GSTZ1: variants seen among roughly 807,000 people sequenced by gnomAD.
GSTZ1 encodes glutathione S-transferase zeta 1, also known as maleylacetoacetate isomerase.
Under a neutral mutation model 35.9 loss-of-function variants are expected in GSTZ1, and 34 were observed. That is an observed-to-expected ratio of 0.95 (90% CI 0.72 to 1.26). The LOEUF (loss-of-function observed/expected upper bound fraction) is 1.26. Ranked by LOEUF, GSTZ1 falls within the 50% of genes most tolerant of loss-of-function variation. GSTZ1 has a pLI of 0.00. For missense variants in GSTZ1, 263 were observed against 271.7 expected (o/e 0.97, Z 0.23); for synonymous variants, 93 against 101.2 (o/e 0.92, Z 0.49).
At chr14:77,323,528 T>C (rs892176447) in intron 1 of GSTZ1, 3 of 152,090 alleles carry the variant, frequency 2.0e-5, no homozygotes, top group Admixed American at 6.6e-5. Flanking sequence ...TGTTTAGCCA[T>C]GTTGTTTCGC....
rs202037445 is a variant in GSTZ1 at position 77,329,802 on chromosome 14, G to A, written c.469G>A (p.Asp157Asn). Reference protein sequence around the residue: ...QSTAGIYCVGDEVTMADLCLV... With the variant: ...QSTAGIYCVGNEVTMADLCLV... ...CACAGCGGGCATATACTGTGTAGGA[G>A]ACGAGGTAAGCTGTCCCCAGACCTC... Residue 157 changes from aspartate (D) to asparagine (N), a missense_variant, in exon 7 of 9, where the codon GAC becomes AAC. Asp to Asn is a conservative substitution (Grantham distance 23, BLOSUM62 1). Coordinates refer to ENST00000216465, the MANE Select transcript of GSTZ1 (RefSeq NM_145870.3). 1 of 1,613,190 alleles carries A rather than the reference G, an allele frequency of 6.2e-7. No individual in the cohort carries two copies. Among genetic ancestry groups the A allele is most frequent in the East Asian group, 2.2e-5 (1 of 44,878 alleles).
intron 5 of GSTZ1, 148 bp downstream of exon 5, chr14:77,328,185 G>A (rs1406376155): frequency 9.0e-6 from 7 of 776,180 alleles, no homozygotes; most frequent in Non-Finnish European, 1.4e-5. Flanking sequence ...TGAAAGAAGG[G>A]GGTGAAGATC....
chr14:77,327,793 A>AG, intron 4 of GSTZ1, 119 bp from the exon 5 acceptor site: 12 of 984,158 alleles, frequency 1.2e-5, no homozygotes, highest in South Asian at 8.8e-5. Flanking sequence ...GAGCAGAAGC[A>AG]GGGGGGAAGA....
At chr14:77,324,294 T>A in intron 1 of GSTZ1, 1 of 393,050 alleles carries the variant, frequency 2.5e-6, no homozygotes, top group Non-Finnish European at 4.9e-6. Context: ...AGGCACCCAC[T>A]ACCACACCTG....
At chr14:77,327,592 TG>T in intron 4 of GSTZ1, 40 bp downstream of exon 4, 1 of 1,310,272 alleles carries the variant, frequency 7.6e-7, no homozygotes, top group Non-Finnish European at 1.1e-6. Context: ...ATGAGAGCAG[TG>T]CCCTGAATGA....
chr14:77,328,992 G>GAGCCTGGGGGAGAAGGGATAGACATCC, intron 5 of GSTZ1, 131 bp from the exon 6 acceptor site: 1 of 734,058 alleles, frequency 1.4e-6, no homozygotes, highest in African/African-American at 1.7e-5. Flanking sequence ...GGGGCTCATG[G>GAGCCTGGGGGAGAAGGGATAGACATCC]AGCCTGGGGG....
Position 77,327,691 on chromosome 14 carries a change from C to T in GSTZ1, c.216+139C>T, listed in dbSNP as rs954798227. On this transcript the variant is annotated intron_variant, in intron 4 of 8. Transcript: ENST00000216465. The stretch of plus-strand genomic sequence containing the variant: ...CAATACAAGACTCGTGGGGAGGGTG[C>T]GAGGTTATTTAGGAAAATAAGGGAA... The T allele has an allele frequency of 1.6e-5, 12 of 745,654 alleles. 1 individual carries two copies. The highest frequency in any genetic ancestry group is 2.3e-4 in the Middle Eastern group (1 of 4,356). The allele number at this position is 745,654 out of a possible 1,614,324, so 46.2% of individuals were successfully genotyped here.
chr14:77,328,214 C>T (rs1034677521), intron 5 of GSTZ1, 177 bp downstream of exon 5: 17 of 664,446 alleles, frequency 2.6e-5, no homozygotes, highest in Non-Finnish European at 4.3e-5. Context: ...AGAATTCAGC[C>T]CCCCAGCGGG....
At chr14:77,322,499 G>A (rs1402221914) in intron 1 of GSTZ1, 1 of 628,960 alleles carries the variant, frequency 1.6e-6, no homozygotes, top group Non-Finnish European at 2.0e-6. Context: ...CATTAGGTAA[G>A]GCATTTCTTC....
intron 6 of GSTZ1, 194 bp from the exon 7 acceptor site, chr14:77,329,561 G>A: frequency 1.6e-6 from 1 of 609,840 alleles, no homozygotes; most frequent in Non-Finnish European, 2.9e-6. Context: ...GTGATTGTCT[G>A]TGCGGAGCCT....
intron 2 of GSTZ1, 77 bp downstream of exon 2, chr14:77,324,998 C>T: frequency 8.1e-7 from 1 of 1,234,562 alleles, no homozygotes; most frequent in Non-Finnish European, 1.2e-6. Flanking sequence ...GCAAAGCTGG[C>T]CTGGGATGGA....
Position 77,328,986 on chromosome 14 carries a change from C to T in GSTZ1, c.343-137C>T, listed in dbSNP as rs746664249. On this transcript the variant is annotated intron_variant, in intron 5 of 8. Coordinates refer to ENST00000216465, the MANE Select transcript of GSTZ1 (RefSeq NM_145870.3). ...CAGGGCCCTTGGTTGAAGGAAGGGG[C>T]TCATGGAGCCTGGGGGAGAAGGGAT... 42 of 712,488 alleles carry T rather than the reference C, an allele frequency of 5.9e-5. No individual in the cohort carries two copies. In the African/African-American group the frequency reaches 6.2e-4, roughly 11 times the overall value. The allele number at this position is 712,488 out of a possible 1,614,324, so 44.1% of individuals were successfully genotyped here.
At chr14:77,328,324 C>A in intron 5 of GSTZ1, 1 of 449,106 alleles carries the variant, frequency 2.2e-6, no homozygotes, top group Non-Finnish European at 4.1e-6. Context: ...ACTGAGCAGG[C>A]CCCAGTCCAG....
chr14:77,321,404 G>T (rs1357271440), intron 1 of GSTZ1: 5 of 1,529,520 alleles, frequency 3.3e-6, no homozygotes, highest in Non-Finnish European at 4.4e-6. Flanking sequence ...GGTAGGGAGT[G>T]CGTAGCAGGG....
intron 7 of GSTZ1, chr14:77,330,024 G>A (rs932210193): frequency 3.5e-4 from 230 of 648,332 alleles, no homozygotes; most frequent in Non-Finnish European, 8.4e-5. Context: ...ATCAGTTGAG[G>A]GATTGTGCTA....
chr14:77,331,198 C>T lies in GSTZ1; in HGVS notation c.*3C>T, dbSNP rs760722562. On this transcript the variant is annotated 3_prime_UTR_variant, in exon 9 of 9. Coordinates refer to ENST00000216465, the MANE Select transcript of GSTZ1 (RefSeq NM_145870.3). ...CACCCACTGAGCTGAGGGCCTAGCT[C>T]CCAAATCCTGCCCCGTTGGCACAGG... The T allele has an allele frequency of 1.1e-5, 18 of 1,611,984 alleles. No homozygotes were observed. Among genetic ancestry groups the T allele is most frequent in the Non-Finnish European group, 1.4e-5 (17 of 1,178,746 alleles).
At chr14:77,324,515 C>T (rs1233718847) in intron 1 of GSTZ1, 11 of 1,243,302 alleles carry the variant, frequency 8.8e-6, no homozygotes, top group Non-Finnish European at 1.3e-5. Flanking sequence ...CCATTGGCTC[C>T]TGAAATCCAC....
At chr14:77,321,311 CG>C in intron 1 of GSTZ1, 128 bp downstream of exon 1, 2 of 1,525,932 alleles carry the variant, frequency 1.3e-6, no homozygotes, top group Non-Finnish European at 8.8e-7. Flanking sequence ...TGCTTTGCGC[CG>C]GGCACGCTCT....
In GSTZ1 at chr14:77,328,256, C is replaced by G; in HGVS notation, c.342+219C>G. 25 of 563,558 alleles carry G rather than the reference C, an allele frequency of 4.4e-5. 1 individual carries two copies. In the South Asian group the frequency reaches 5.0e-4, roughly 11 times the overall value. The allele number at this position is 563,558 out of a possible 1,614,324, so 34.9% of individuals were successfully genotyped here. ...GCTGCGTTCCGAGAAGCTCTAGTTT[C>G]CAAGGACGCATGTACAGGTGCTTGG... is the stretch of plus-strand genomic sequence containing the variant. On this transcript the variant is annotated intron_variant, in intron 5 of 8. Coordinates refer to ENST00000216465, the MANE Select transcript of GSTZ1 (RefSeq NM_145870.3).
Sources: allele counts gnomAD v4.1 joint callset, GRCh38; gene constraint gnomAD v4.1.1; transcripts MANE v1.5; gene names NCBI Gene and HGNC (gene_info 2026-07-23, HGNC 2026-07-21).